The following ERGIC1 variants were observed in gnomAD, a reference collection of about 807,000 sequenced individuals.
The protein encoded by ERGIC1 is endoplasmic reticulum-golgi intermediate compartment 1.
Under a neutral mutation model 38.3 loss-of-function variants are expected in ERGIC1, and 19 were observed. The ratio of observed to expected loss-of-function variants is 0.50; its 90% CI spans 0.35 to 0.73. The LOEUF (loss-of-function observed/expected upper bound fraction) is 0.73, where lower values mean the gene tolerates loss of function less well. ERGIC1 is among the 30% of genes least tolerant of loss of function. The pLI is 0.01. For synonymous variants in ERGIC1, 124 were observed against 157.6 expected, an observed-to-expected ratio of 0.79 and a Z score of 1.60; for missense variants, 294 against 389.2, an observed-to-expected ratio of 0.76 and a Z score of 2.06.
intron 3 of ERGIC1, chr5:172,897,799 C>T: frequency 7.2e-6 from 3 of 413,908 alleles, no homozygotes; most frequent in Admixed American, 4.4e-5. Context: ...GACATCAGCG[C>T]CCGGCCCCCT....
intron 6 of ERGIC1, 39 bp downstream of exon 6, chr5:172,924,148 G>A (rs1374363940): frequency 3.8e-6 from 6 of 1,584,606 alleles, no homozygotes; most frequent in Non-Finnish European, 5.2e-6. Context: ...GCCGGGGGTG[G>A]GCCTTCAGGG....
Position 172,950,895 on chromosome 5 carries a change from A to C in ERGIC1, c.*79A>C, listed in dbSNP as rs1764217128. The C allele has an allele frequency of 2.4e-6, 3 of 1,275,370 alleles. No individual in the cohort carries two copies. Among genetic ancestry groups the C allele is most frequent in the Non-Finnish European group, 3.3e-6 (3 of 920,974 alleles). 79.0% of individuals were successfully genotyped at this position (1,275,370 alleles called of 1,614,324 possible). A position where few individuals can be genotyped will look rare whatever the true frequency, so the allele number is the denominator to read the frequency against. On this transcript the variant is annotated 3_prime_UTR_variant, in exon 10 of 10. Coordinates refer to ENST00000393784, the MANE Select transcript of ERGIC1 (RefSeq NM_001031711.3). Reference sequence around the variant, plus strand: ...AGTGCCCTGTCTCCTTTGGCCCTCAATCTGGTCCCAAATCTGGCTGTGTCC... The same window carrying C: ...AGTGCCCTGTCTCCTTTGGCCCTCACTCTGGTCCCAAATCTGGCTGTGTCC...
At chr5:172,897,779 C>T (rs1762758976) in intron 3 of ERGIC1, 2 of 413,502 alleles carry the variant, frequency 4.8e-6, no homozygotes, top group South Asian at 1.3e-4. Context: ...CCGGAGGGGG[C>T]GAGGTTGCTG....
At chr5:172,944,079 C>G (rs1295049665) in intron 9 of ERGIC1, among the ~76,000 whole-genome samples, 2 of 152,192 alleles carry the variant, frequency 1.3e-5, no homozygotes, top group African/African-American at 4.8e-5. Context: ...ATGCCACTTC[C>G]TGCACTGCCC....
At chr5:172,885,544 C>T (rs548121020) in intron 1 of ERGIC1, among the ~76,000 whole-genome samples, 76 of 152,260 alleles carry the variant, frequency 5.0e-4, no homozygotes, top group Non-Finnish European at 7.9e-4. Flanking sequence ...CCCCAGGACA[C>T]GGCTGTCATG....
intron 1 of ERGIC1, among the ~76,000 whole-genome samples, chr5:172,871,382 TG>T (rs1401374183): frequency 2.6e-5 from 4 of 152,254 alleles, no homozygotes; most frequent in Non-Finnish European, 5.9e-5. Flanking sequence ...TGGCTATCCC[TG>T]TGGCTGTTGT....
Position 172,924,011 on chromosome 5 carries a change from G to A in ERGIC1, c.382G>A (p.Gly128Ser), listed in dbSNP as rs767023837. 4 of 1,614,082 alleles carry A rather than the reference G, an allele frequency of 2.5e-6. No individual in the cohort carries two copies. The highest frequency in any genetic ancestry group is 2.5e-6 in the Non-Finnish European group (3 of 1,179,998). The change falls in exon 6 of 10, where the codon GGC (glycine) becomes AGC (serine). Residue 128 changes from glycine (G) to serine (S), a missense_variant. Transcript: ENST00000393784. Reference sequence around the variant, plus strand: ...ACTCACATTTCTCCCCCAGGTCCCCGGCAACTTCCACGTGTCCACACACAG... The same window carrying A: ...ACTCACATTTCTCCCCCAGGTCCCCAGCAACTTCCACGTGTCCACACACAG... ...EGQFSINKVP[G>S]NFHVSTHSAT...
At position 172,926,287 on chromosome 5, in the gene ERGIC1, G is replaced by A. The variant is rs556781974; in HGVS notation, c.481-222G>A. ...AAATGAAATTATATGAAGGGGCCAG[G>A]ATGGAGCAGCACATAGTAGGGGCTA... On this transcript the variant is annotated intron_variant, in intron 6 of 9. Coordinates refer to ENST00000393784, the MANE Select transcript of ERGIC1 (RefSeq NM_001031711.3). The surrounding 1 kb of genome is among the most constrained non-coding windows in gnomAD (Gnocchi z 5.2). Among the ~76,000 whole-genome samples the A allele has an allele frequency of 3.9e-5, 6 of 152,342 alleles. No individual in the cohort carries two copies. The highest frequency in any genetic ancestry group is 1.4e-4 in the African/African-American group (6 of 41,564).
chr5:172,941,027 C>T (rs564769638), intron 9 of ERGIC1, among the ~76,000 whole-genome samples: 1 of 152,322 alleles, frequency 6.6e-6, no homozygotes, highest in Admixed American at 6.5e-5. Context: ...ACCTGTAATT[C>T]CAGCACTTTG....
At chr5:172,929,060 T>C (rs1763720450) in intron 7 of ERGIC1, among the ~76,000 whole-genome samples, 1 of 152,188 alleles carries the variant, frequency 6.6e-6, no homozygotes, top group Non-Finnish European at 1.5e-5. Flanking sequence ...ATTGTGGTAC[T>C]GAATTGTTTA....
intron 9 of ERGIC1, among the ~76,000 whole-genome samples, chr5:172,943,306 G>A (rs984080440): frequency 7.2e-5 from 11 of 151,814 alleles, no homozygotes; most frequent in Non-Finnish European, 1.3e-4. Flanking sequence ...CCAGGCCCCC[G>A]GAGCTCTGGA....
intron 3 of ERGIC1, among the ~76,000 whole-genome samples, chr5:172,902,472 G>C (rs547881312): frequency 6.6e-6 from 1 of 152,318 alleles, no homozygotes; most frequent in East Asian, 1.9e-4. Flanking sequence ...TGGAGTGACG[G>C]GTTTATGTCT....
chr5:172,934,494 A>G (rs988468393), intron 8 of ERGIC1: 3 of 153,282 alleles, frequency 2.0e-5, no homozygotes, highest in Non-Finnish European at 2.9e-5. Flanking sequence ...AGTTCAGTCT[A>G]TTCCTCTGAA....
intron 1 of ERGIC1, among the ~76,000 whole-genome samples, chr5:172,868,725 C>A (rs190757007): frequency 1.3e-5 from 2 of 152,268 alleles, no homozygotes; most frequent in East Asian, 3.9e-4. Flanking sequence ...AGTCAGTGTT[C>A]ATTCATCAAT....
intron 1 of ERGIC1, among the ~76,000 whole-genome samples, chr5:172,862,276 C>G (rs1372633081): frequency 1.7e-5 from 2 of 115,614 alleles, no homozygotes; most frequent in African/African-American, 6.6e-5. Flanking sequence ...CGTGAGCCAC[C>G]TTGCCTGGGC....
At chr5:172,850,528 C>T (rs1051861577) in intron 1 of ERGIC1, among the ~76,000 whole-genome samples, 2 of 152,114 alleles carry the variant, frequency 1.3e-5, no homozygotes, top group Non-Finnish European at 2.9e-5. Flanking sequence ...TGCGGAGAGG[C>T]CTAGGGCTTT....
intron 1 of ERGIC1, among the ~76,000 whole-genome samples, chr5:172,868,567 C>G (rs186507902): frequency 3.3e-5 from 5 of 152,198 alleles, no homozygotes; most frequent in African/African-American, 1.2e-4. Flanking sequence ...GATGAATAGG[C>G]GGAGCACGGA....
intron 1 of ERGIC1, among the ~76,000 whole-genome samples, chr5:172,848,992 C>T (rs1373429748): frequency 6.6e-6 from 1 of 152,190 alleles, no homozygotes; most frequent in Non-Finnish European, 1.5e-5. Flanking sequence ...TTGCTTGAAG[C>T]CATGTTAGTC....
intron 1 of ERGIC1, among the ~76,000 whole-genome samples, chr5:172,850,006 G>C (rs1230010179): frequency 5.3e-5 from 8 of 152,162 alleles, no homozygotes; most frequent in African/African-American, 1.9e-4. Flanking sequence ...TGAGAGAACC[G>C]AGGTGGCGTG....
Sources: allele counts gnomAD v4.1 joint callset (sites outside exome capture counted in the v4.1 genomes callset), GRCh38; gene constraint gnomAD v4.1.1; non-coding constraint Gnocchi (gnomAD v3.1); transcripts MANE v1.5; gene names NCBI Gene and HGNC (gene_info 2026-07-23, HGNC 2026-07-21).